Variants in KDM4C observed in about 807,000 individuals in gnomAD.
KDM4C encodes lysine-specific demethylase 4C.
In KDM4C, 81 loss-of-function variants were observed where a neutral mutation model predicts 129.3. The ratio of observed to expected loss-of-function variants is 0.63; its 90% CI spans 0.52 to 0.75. The LOEUF (loss-of-function observed/expected upper bound fraction) is 0.75, where lower values mean the gene tolerates loss of function less well. KDM4C is among the 30% of genes least tolerant of loss of function. The pLI is 0.00. For missense variants in KDM4C, 1,457 were observed against 1,304.0 expected (o/e 1.12, Z -1.81); for synonymous variants, 573 against 456.1 (o/e 1.26, Z -3.26).
intron 1 of KDM4C, among the ~76,000 whole-genome samples, chr9:6,730,742 T>A (rs1817305162): frequency 6.6e-6 from 1 of 152,094 alleles, no homozygotes; most frequent in Non-Finnish European, 1.5e-5. Flanking sequence ...CAGAACAAAT[T>A]TACAGACAAA....
At chr9:7,050,068 C>A (rs1458538287) in intron 17 of KDM4C, among the ~76,000 whole-genome samples, 1 of 151,954 alleles carries the variant, frequency 6.6e-6, no homozygotes, top group Non-Finnish European at 1.5e-5. Flanking sequence ...TGCTCTTTTC[C>A]CCAATGGCGA....
At chr9:6,798,821 C>A (rs62567975) in intron 2 of KDM4C, among the ~76,000 whole-genome samples, 1 of 151,884 alleles carries the variant, frequency 6.6e-6, no homozygotes, top group Non-Finnish European at 1.5e-5. Flanking sequence ...GGCGGCCGGG[C>A]AGAGGCGCCC....
chr9:7,021,609 G>T (rs1489107885), intron 15 of KDM4C, among the ~76,000 whole-genome samples: 1 of 152,046 alleles, frequency 6.6e-6, no homozygotes, highest in East Asian at 1.9e-4. Context: ...CCTTTCTGTG[G>T]GTTGTCTCTT....
intron 17 of KDM4C, among the ~76,000 whole-genome samples, chr9:7,073,023 G>T (rs1422609539): frequency 6.6e-6 from 1 of 152,164 alleles, no homozygotes; most frequent in Non-Finnish European, 1.5e-5. Flanking sequence ...TGAGAGGAAA[G>T]AATGTAGATG....
chr9:6,837,196 C>T (rs1836033938), intron 4 of KDM4C, among the ~76,000 whole-genome samples: 1 of 152,162 alleles, frequency 6.6e-6, no homozygotes, highest in Admixed American at 6.5e-5. Context: ...TAGCAGGGAC[C>T]ACAAGCTTGC....
At chr9:7,160,416 T>A (rs925706659) in intron 19 of KDM4C, among the ~76,000 whole-genome samples, 1 of 152,194 alleles carries the variant, frequency 6.6e-6, no homozygotes, top group African/African-American at 2.4e-5. Flanking sequence ...GTGCTCTGAT[T>A]TTTAGAATTT....
At chr9:7,095,908 A>C (rs752973285) in intron 17 of KDM4C, among the ~76,000 whole-genome samples, 1 of 152,244 alleles carries the variant, frequency 6.6e-6, no homozygotes, top group Non-Finnish European at 1.5e-5. Context: ...ATTTCAAATA[A>C]TGGAATTTCC....
At chr9:6,775,472 T>G (rs905011688) in intron 1 of KDM4C, among the ~76,000 whole-genome samples, 1 of 152,114 alleles carries the variant, frequency 6.6e-6, no homozygotes, top group African/African-American at 2.4e-5. Context: ...GTAATGAACA[T>G]TATTGTACAT....
chr9:7,071,954 C>T (rs1221412041), intron 17 of KDM4C, among the ~76,000 whole-genome samples: 3 of 152,238 alleles, frequency 2.0e-5, no homozygotes, highest in African/African-American at 7.2e-5. Flanking sequence ...ATAAAGAACT[C>T]TTGACACTCA....
chr9:6,942,628 C>A (rs182749396), intron 8 of KDM4C: 4 of 152,220 alleles, frequency 2.6e-5, no homozygotes, highest in Admixed American at 1.3e-4. Context: ...AAACTTCTTC[C>A]TGTGGGGTTT....
chr9:6,822,657 A>G (rs759022937), intron 4 of KDM4C, among the ~76,000 whole-genome samples: 2 of 152,228 alleles, frequency 1.3e-5, no homozygotes, highest in Non-Finnish European at 2.9e-5. Context: ...CTTTGTTAAC[A>G]AGCCTTTACA....
At chr9:7,093,253 A>C (rs888428130) in intron 17 of KDM4C, among the ~76,000 whole-genome samples, 1 of 152,188 alleles carries the variant, frequency 6.6e-6, no homozygotes, top group Non-Finnish European at 1.5e-5. Flanking sequence ...AGGGTGGAGC[A>C]TGGTGTTGTT....
At chr9:6,751,460 T>C (rs1818062341) in intron 1 of KDM4C, among the ~76,000 whole-genome samples, 1 of 151,890 alleles carries the variant, frequency 6.6e-6, no homozygotes, top group Non-Finnish European at 1.5e-5. Context: ...TTAATAATAA[T>C]AATAATAATC....
At chr9:7,011,273 A>G (rs1030360881) in intron 12 of KDM4C, among the ~76,000 whole-genome samples, 5 of 152,232 alleles carry the variant, frequency 3.3e-5, no homozygotes, top group Admixed American at 1.3e-4. Context: ...GTACTATGTT[A>G]GATGAAGAAA....
At chr9:7,036,633 A>G (rs1025241067) in intron 15 of KDM4C, among the ~76,000 whole-genome samples, 10 of 152,234 alleles carry the variant, frequency 6.6e-5, no homozygotes, top group African/African-American at 1.2e-4. Context: ...TTAGTGTTGT[A>G]AATTAGATGA....
At chr9:7,015,756 G>C in intron 14 of KDM4C, 97 bp from the exon 15 acceptor site, 1 of 764,374 alleles carries the variant, frequency 1.3e-6, no homozygotes. Flanking sequence ...CAGTATGGTA[G>C]GCTAGTGTCC....
At chr9:6,954,673 T>C (rs1289320557) in intron 8 of KDM4C, among the ~76,000 whole-genome samples, 1 of 152,156 alleles carries the variant, frequency 6.6e-6, no homozygotes, top group Non-Finnish European at 1.5e-5. Flanking sequence ...GGCTAAGATA[T>C]TCTAATTTAA....
chr9:6,922,501 C>G (rs562149005), intron 8 of KDM4C, among the ~76,000 whole-genome samples: 1 of 152,344 alleles, frequency 6.6e-6, no homozygotes, highest in Non-Finnish European at 1.5e-5. Flanking sequence ...AATCCCAGCC[C>G]TTTGGGAGGC....
At chr9:6,873,546 A>G (rs968243185) in intron 5 of KDM4C, among the ~76,000 whole-genome samples, 2 of 152,216 alleles carry the variant, frequency 1.3e-5, no homozygotes, top group Non-Finnish European at 2.9e-5. Context: ...CTGAAACGTC[A>G]TGGTGCTAGA....
Sources: allele counts gnomAD v4.1 joint callset (sites outside exome capture counted in the v4.1 genomes callset), GRCh38; gene constraint gnomAD v4.1.1; transcripts MANE v1.5; gene names NCBI Gene and HGNC (gene_info 2026-07-23, HGNC 2026-07-21).